BCAN: variants seen among roughly 807,000 people sequenced by gnomAD.
BCAN encodes brevican core protein.
A neutral mutation model predicts 92.4 loss-of-function variants in BCAN; 51 were observed. The ratio of observed to expected loss-of-function variants is 0.55; its 90% confidence interval spans 0.44 to 0.70. The LOEUF is 0.70. BCAN is among the 30% of genes least tolerant of loss of function. The probability of loss-of-function intolerance (pLI) is 0.00; values close to 1 mark genes in which losing one functional copy is unlikely to be tolerated. For synonymous variants in BCAN, 501 were observed against 505.2 expected (o/e 0.99, Z 0.11); for missense variants, 1,140 against 1,212.1 (o/e 0.94, Z 0.88).
chr1:156,657,175 T>C, intron 10 of BCAN, 79 bp downstream of exon 10: 1 of 1,543,048 alleles, frequency 6.5e-7, no homozygotes, highest in Admixed American at 1.8e-5. Context: ...CCTTCCTCAT[T>C]AACCCATGCA....
chr1:156,656,606 G>A, intron 9 of BCAN: 1 of 484,500 alleles, frequency 2.1e-6, no homozygotes, highest in East Asian at 3.1e-5. Context: ...CCAGTGCAAA[G>A]CATACTCCTG....
Position 156,648,114 on chromosome 1 carries a change from A to G in BCAN, c.769+4A>G. 1 of 1,610,450 alleles carries G rather than the reference A, an allele frequency of 6.2e-7. No individual in the cohort carries two copies. The highest frequency in any genetic ancestry group is 8.5e-7 in the Non-Finnish European group (1 of 1,176,968). ...TGTTATGCTGAAGACCTAAATGGTG[A>G]TTAGGAGTGAGAGGTTCCCAGGGGA... On this transcript the variant is annotated splice_donor_region_variant and intron_variant, in intron 5 of 13. Transcript: ENST00000329117.
Position 156,658,412 on chromosome 1 carries a change from G to GT in BCAN, c.2438-129dup. The GT allele has an allele frequency of 6.8e-7, 1 of 1,460,056 alleles. No homozygotes were observed. Among genetic ancestry groups the GT allele is most frequent in the South Asian group, 1.3e-5 (1 of 74,746 alleles). The allele number at this position is 1,460,056 out of a possible 1,614,324, so 90.4% of individuals were successfully genotyped here. A position where few individuals can be genotyped will look rare whatever the true frequency, so the allele number is the denominator to read the frequency against. On this transcript the variant is annotated intron_variant, in intron 12 of 13. Transcript: ENST00000329117. This position sits in a 1 kb window ranked among gnomAD's most constrained non-coding sequence, Gnocchi z 4.4. The stretch of plus-strand genomic sequence containing the variant: ...TTCCAGACCATGGGAGAGCTAACAA[G>GT]TTACGTGGGTCCACTCGGAATCCCT...
Position 156,646,164 on chromosome 1 carries a change from G to A in BCAN, c.91+19G>A. The A allele has an allele frequency of 1.2e-6, 2 of 1,608,644 alleles. No homozygotes were observed. Among genetic ancestry groups the A allele is most frequent in the Non-Finnish European group, 1.7e-6 (2 of 1,175,626 alleles). On this transcript the variant is annotated intron_variant, in intron 2 of 13. Transcript: ENST00000329117. Reference sequence around the variant, plus strand: ...AGCTCAGGTAAGCAACCCCACTTGGGGTCACCGTCTCTGTCTTGTTCAGCC... The same window carrying A: ...AGCTCAGGTAAGCAACCCCACTTGGAGTCACCGTCTCTGTCTTGTTCAGCC...
chr1:156,653,309 C>T (rs759208063), intron 8 of BCAN: 2 of 1,078,512 alleles, frequency 1.9e-6, no homozygotes, highest in Non-Finnish European at 2.2e-6. Flanking sequence ...TCCTATTGAT[C>T]TCAGGGAAGC....
chr1:156,652,244 C>T lies in BCAN; in HGVS notation c.1298-4C>T, dbSNP rs374184277. 3.4e-5 allele frequency: 54 copies of T among 1,579,932 alleles called. No homozygotes were observed. The highest frequency in any genetic ancestry group is 4.4e-5 in the Non-Finnish European group (51 of 1,164,360). Reference sequence around the variant, plus strand: ...TGGTGCTGAACCGTTTGTGCTTTGCCTAGAATTTGAAACACAATCCATGGT... The same window carrying T: ...TGGTGCTGAACCGTTTGTGCTTTGCTTAGAATTTGAAACACAATCCATGGT... On this transcript the variant is annotated splice_polypyrimidine_tract_variant and splice_region_variant and intron_variant, in intron 7 of 13. Coordinates refer to ENST00000329117, the MANE Select transcript of BCAN (RefSeq NM_021948.5).
chr1:156,651,678 G>C lies in BCAN; in HGVS notation c.1286G>C (p.Arg429Thr). ...CCAGAAGACCCAGCAGAGGCCCCTA[G>C]GACGCTCCTAGGTAAGTCGGATCCC... ...STPEDPAEAP[R>T]TLLEFETQSM... Residue 429 changes from arginine (R) to threonine (T), a missense_variant, in exon 7 of 14, where the codon AGG becomes ACG. Coordinates refer to ENST00000329117, the MANE Select transcript of BCAN (RefSeq NM_021948.5). 1 of 1,611,210 alleles carries C rather than the reference G, an allele frequency of 6.2e-7. No homozygotes were observed.
chr1:156,650,042 A>G, intron 6 of BCAN: 1 of 443,214 alleles, frequency 2.3e-6, no homozygotes, highest in African/African-American at 2.0e-5. Context: ...ATCTGTGGAC[A>G]TATTTGGCTG....
In BCAN at chr1:156,652,074, T is replaced by G. The variant is rs1308012762; in HGVS notation, c.1298-174T>G. 3.3e-5 allele frequency among the ~76,000 whole-genome samples: 5 copies of G among 152,284 alleles called. No homozygotes were observed. In the East Asian group the frequency reaches 9.7e-4, roughly 29 times the overall value. On this transcript the variant is annotated intron_variant, in intron 7 of 13. Transcript: ENST00000329117. Reference sequence around the variant, plus strand: ...CTTCTCAAGTGTTGCCTCAACAATATGGCTGGGGTCAAGTTCTTCCAGTGT... The same window carrying G: ...CTTCTCAAGTGTTGCCTCAACAATAGGGCTGGGGTCAAGTTCTTCCAGTGT...
In BCAN at chr1:156,647,401, A is replaced by G. The variant is rs758202236; in HGVS notation, c.467-107A>G. Reference sequence around the variant, plus strand: ...AAGTCCCTCATGCTGTAGAGTGAGCACAATTGAACTTTATTTACCCTTGTG... The same window carrying G: ...AAGTCCCTCATGCTGTAGAGTGAGCGCAATTGAACTTTATTTACCCTTGTG... On this transcript the variant is annotated intron_variant, in intron 3 of 13. Transcript: ENST00000329117. This position sits in a 1 kb window ranked among gnomAD's most constrained non-coding sequence, Gnocchi z 4.8. 1.6e-6 allele frequency: 2 copies of G among 1,252,600 alleles called. No individual in the cohort carries two copies. The highest frequency in any genetic ancestry group is 1.1e-6 in the Non-Finnish European group (1 of 907,058). 77.6% of individuals were successfully genotyped at this position (1,252,600 alleles called of 1,614,324 possible).
rs1679013897 is a variant in BCAN at position 156,647,200 on chromosome 1, G to A, written c.466+25G>A. 1 of 1,426,644 alleles carries A rather than the reference G, an allele frequency of 7.0e-7. No individual in the cohort carries two copies. 88.4% of individuals were successfully genotyped at this position (1,426,644 alleles called of 1,614,324 possible). On this transcript the variant is annotated intron_variant, in intron 3 of 13. Coordinates refer to ENST00000329117, the MANE Select transcript of BCAN (RefSeq NM_021948.5). This position sits in a 1 kb window ranked among gnomAD's most constrained non-coding sequence, Gnocchi z 4.8. Reference sequence around the variant, plus strand: ...GGTGAGAGGGCAGGGAGGTTCCAGAGGGAGGGAGGGAGGGAGGGAAGGGAG... The same window carrying A: ...GGTGAGAGGGCAGGGAGGTTCCAGAAGGAGGGAGGGAGGGAGGGAAGGGAG...
At chr1:156,653,045 G>A in intron 8 of BCAN, 153 bp downstream of exon 8, 1 of 1,496,266 alleles carries the variant, frequency 6.7e-7, no homozygotes, top group Non-Finnish European at 8.9e-7. Context: ...CTACCTATGG[G>A]TCTCCAATCT....
At chr1:156,653,036 T>C in intron 8 of BCAN, 144 bp downstream of exon 8, 3 of 1,501,804 alleles carry the variant, frequency 2.0e-6, no homozygotes, top group South Asian at 2.7e-5. Context: ...TACCCACCTC[T>C]ACCTATGGGT....
rs372404921 is a variant in BCAN at position 156,647,526 on chromosome 1, G to A, written c.485G>A (p.Arg162Gln). ...CCCACAGGGGTCGTCTTTCTCTACC[G>A]AGAGGGCTCTGCCCGCTATGCTTTC... The part of the protein sequence containing the change: ...VKVKGVVFLY[R>Q]EGSARYAFSF... The change falls in exon 4 of 14, where the codon CGA (arginine) becomes CAA (glutamine). Residue 162 changes from arginine (R) to glutamine (Q), a missense_variant. Arg to Gln is a conservative substitution (Grantham distance 43). Around this residue, in one of 3 missense-constraint regions of BCAN, gnomAD observed 286 missense variants for 284.1 expected, o/e 1.01. Coordinates refer to ENST00000329117, the MANE Select transcript of BCAN (RefSeq NM_021948.5). This position sits in a 1 kb window ranked among gnomAD's most constrained non-coding sequence, Gnocchi z 4.8. 7 of 1,580,036 alleles carry A rather than the reference G, an allele frequency of 4.4e-6. No homozygotes were observed. The highest frequency in any genetic ancestry group is 5.1e-6 in the Non-Finnish European group (6 of 1,165,746).
intron 6 of BCAN, 41 bp downstream of exon 6, chr1:156,648,902 A>C (rs753300109): frequency 6.6e-7 from 1 of 1,520,128 alleles, no homozygotes; most frequent in South Asian, 1.3e-5. Flanking sequence ...CAATCTCAGA[A>C]AGGCAGAGTT....
At position 156,652,887 on chromosome 1, in the gene BCAN, C is replaced by T. The variant is rs371533514; in HGVS notation, c.1937C>T (p.Ala646Val). Reference sequence around the variant, plus strand: ...CGAGGTGGAGTGGCCGTGGTCCCCGCATCAGGTAATTCTGCCCAAGGCTCA... The same window carrying T: ...CGAGGTGGAGTGGCCGTGGTCCCCGTATCAGGTAATTCTGCCCAAGGCTCA... ...ASRGGVAVVP[A>V]SGDCVPSPCH... Residue 646 changes from alanine (A) to valine (V), a missense_variant, in exon 8 of 14, where the codon GCA (alanine) becomes GTA (valine). Physicochemically the swap from Ala to Val is moderately conservative, Grantham distance 64. Coordinates refer to ENST00000329117, the MANE Select transcript of BCAN (RefSeq NM_021948.5). 7 of 1,613,588 alleles carry T rather than the reference C, an allele frequency of 4.3e-6. No homozygotes were observed. Among genetic ancestry groups the T allele is most frequent in the Non-Finnish European group, 5.1e-6 (6 of 1,179,966 alleles).
At chr1:156,643,921 G>T in intron 1 of BCAN, 1 of 152,464 alleles carries the variant, frequency 6.6e-6, no homozygotes. Flanking sequence ...GAAGAGAAGA[G>T]GAAGTGGAGA....
At position 156,658,857 on chromosome 1, in the gene BCAN, G is replaced by T. The variant is rs1679430161; in HGVS notation, c.2628+124G>T. ...GGAGCCATCACTGCCCCTCTCTGAG[G>T]CAAAGGGGAAGAGGTGGGCTGGAGG... On this transcript the variant is annotated intron_variant, in intron 13 of 13. Transcript: ENST00000329117. The surrounding 1 kb of genome is among the most constrained non-coding windows in gnomAD (Gnocchi z 4.4). The T allele has an allele frequency of 6.9e-7, 1 of 1,443,610 alleles. No individual in the cohort carries two copies. Among genetic ancestry groups the T allele is most frequent in the Admixed American group, 2.0e-5 (1 of 49,748 alleles). 89.4% of individuals were successfully genotyped at this position (1,443,610 alleles called of 1,614,324 possible). A position where few individuals can be genotyped will look rare whatever the true frequency, so the allele number is the denominator to read the frequency against.
At chr1:156,651,750 C>A in intron 7 of BCAN, 61 bp downstream of exon 7, 1 of 1,449,030 alleles carries the variant, frequency 6.9e-7, no homozygotes, top group Non-Finnish European at 9.4e-7. Flanking sequence ...GCAGAAGAGG[C>A]AAGCCCAGGT....
Sources: gnomAD v4.1 joint callset for allele counts (sites outside exome capture counted in the v4.1 genomes callset) on GRCh38, gnomAD v4.1.1 for gene constraint, gnomAD v4.1.1 regional missense constraint, Gnocchi (gnomAD v3.1) non-coding constraint, MANE v1.5 for transcripts, NCBI Gene and HGNC (gene_info 2026-07-23, HGNC 2026-07-21) for gene names.